The following PTPRG variants were observed in gnomAD, a reference collection of about 807,000 sequenced individuals.
PTPRG encodes protein tyrosine phosphatase receptor type G, also known as receptor-type tyrosine-protein phosphatase gamma.
PTPRG carries 102 observed loss-of-function variants against 165.3 expected under a neutral mutation model. The ratio of observed to expected loss-of-function variants is 0.62; its 90% CI spans 0.53 to 0.73. The LOEUF is 0.73. Ranked by LOEUF, PTPRG falls within the 30% of genes least tolerant of loss-of-function variation. The pLI is 0.00. For synonymous variants in PTPRG, 675 were observed against 669.5 expected (o/e 1.01, Z -0.13); for missense variants, 1,866 against 1,861.4 (o/e 1.00, Z -0.05).
intron 2 of PTPRG, among the ~76,000 whole-genome samples, chr3:61,851,941 T>A (rs1239953882): frequency 6.6e-6 from 1 of 152,304 alleles, no homozygotes; most frequent in African/African-American, 2.4e-5. Context: ...CTATCTAGAT[T>A]GGCTGACCCT....
chr3:62,093,860 G>T (rs1462288020), intron 5 of PTPRG, among the ~76,000 whole-genome samples: 1 of 152,162 alleles, frequency 6.6e-6, no homozygotes, highest in Non-Finnish European at 1.5e-5. Flanking sequence ...GGTAGAGAGG[G>T]AAGAAAGACA....
At position 62,064,473 on chromosome 3, in the gene PTPRG, T is replaced by C. The variant is rs7644712; in HGVS notation, c.520-13690T>C. 5.6e-3 allele frequency among the ~76,000 whole-genome samples: 818 copies of C among 145,964 alleles called. 9 individuals carry two copies. Among genetic ancestry groups the C allele is most frequent in the African/African-American group, 0.019 (786 of 40,466 alleles). ...CTGAAGCAATCCTCCTGCTTCAGTC[T>C]CCCAAATTAGTGCCTAATTTCTTCC... On this transcript the variant is annotated intron_variant, in intron 4 of 29. Coordinates refer to ENST00000474889, the MANE Select transcript of PTPRG (RefSeq NM_002841.4).
intron 1 of PTPRG, among the ~76,000 whole-genome samples, chr3:61,596,573 A>G (rs1700705527): frequency 6.6e-6 from 1 of 152,158 alleles, no homozygotes; most frequent in Non-Finnish European, 1.5e-5. Context: ...TTTTTTATCT[A>G]GTGTAACACT....
At chr3:61,794,202 A>C (rs891698716) in intron 2 of PTPRG, among the ~76,000 whole-genome samples, 1 of 152,234 alleles carries the variant, frequency 6.6e-6, no homozygotes, top group African/African-American at 2.4e-5. Context: ...ACTTTAAAAA[A>C]AAATCAGAAT....
chr3:61,637,048 C>G (rs1459684365), intron 1 of PTPRG, among the ~76,000 whole-genome samples: 1 of 152,210 alleles, frequency 6.6e-6, no homozygotes, highest in East Asian at 1.9e-4. Context: ...TGTGGCCTCT[C>G]TGCCACATAG....
At chr3:61,859,277 G>C (rs2037195555) in intron 2 of PTPRG, among the ~76,000 whole-genome samples, 1 of 152,078 alleles carries the variant, frequency 6.6e-6, no homozygotes, top group African/African-American at 2.4e-5. Flanking sequence ...AAAGACCTTA[G>C]GTTATTTTCT....
chr3:62,042,554 G>A (rs780811758), intron 4 of PTPRG, among the ~76,000 whole-genome samples: 7 of 151,692 alleles, frequency 4.6e-5, no homozygotes, highest in African/African-American at 2.4e-5. Context: ...TCTTCCTCCC[G>A]CACCGCCACC....
intron 1 of PTPRG, among the ~76,000 whole-genome samples, chr3:61,589,891 A>G (rs1464530395): frequency 6.6e-6 from 1 of 152,134 alleles, no homozygotes; most frequent in Non-Finnish European, 1.5e-5. Flanking sequence ...CAGTTACTAG[A>G]CTAGATTTAT....
chr3:62,082,007 G>A (rs989887566), intron 5 of PTPRG, among the ~76,000 whole-genome samples: 4 of 152,010 alleles, frequency 2.6e-5, no homozygotes, highest in Admixed American at 6.5e-5. Context: ...CACAAATAAC[G>A]GCCAAAAAGA....
At chr3:61,923,793 C>T (rs1367740532) in intron 2 of PTPRG, among the ~76,000 whole-genome samples, 2 of 149,166 alleles carry the variant, frequency 1.3e-5, no homozygotes, top group Admixed American at 6.7e-5. Flanking sequence ...ACCTCAGCCT[C>T]CCAAAACACT....
intron 5 of PTPRG, among the ~76,000 whole-genome samples, chr3:62,116,551 A>G (rs1428414423): frequency 1.3e-5 from 2 of 152,182 alleles, no homozygotes; most frequent in Admixed American, 6.5e-5. Flanking sequence ...CGACGAGTGA[A>G]AGAAGGTGAG....
intron 2 of PTPRG, among the ~76,000 whole-genome samples, chr3:61,751,757 G>T (rs1038171550): frequency 1.3e-5 from 2 of 152,130 alleles, no homozygotes; most frequent in Non-Finnish European, 2.9e-5. Context: ...TTGGGAGGCC[G>T]AGGTGGGCGG....
At chr3:62,136,059 T>A (rs1703697951) in intron 6 of PTPRG, among the ~76,000 whole-genome samples, 1 of 152,056 alleles carries the variant, frequency 6.6e-6, no homozygotes, top group Admixed American at 6.5e-5. Flanking sequence ...GAAAGGGGGA[T>A]CTCAGGGGTG....
At chr3:61,893,083 G>T (rs565403434) in intron 2 of PTPRG, among the ~76,000 whole-genome samples, 1 of 152,204 alleles carries the variant, frequency 6.6e-6, no homozygotes, top group African/African-American at 2.4e-5. Flanking sequence ...CGTCATTATC[G>T]TCGACTGCTG....
intron 1 of PTPRG, among the ~76,000 whole-genome samples, chr3:61,683,049 G>GT (rs1308009201): frequency 1.3e-5 from 2 of 152,092 alleles, no homozygotes; most frequent in Non-Finnish European, 1.5e-5. Flanking sequence ...AATCGATTTG[G>GT]TTTTAGGCCT....
At chr3:61,575,423 C>G (rs559510226) in intron 1 of PTPRG, among the ~76,000 whole-genome samples, 33 of 151,970 alleles carry the variant, frequency 2.2e-4, no homozygotes, top group Non-Finnish European at 4.7e-4. Context: ...CATTTTTTTG[C>G]AGGTACCAGA....
intron 4 of PTPRG, among the ~76,000 whole-genome samples, chr3:62,039,547 G>A (rs1700061108): frequency 6.6e-6 from 1 of 152,152 alleles, no homozygotes; most frequent in Non-Finnish European, 1.5e-5. Flanking sequence ...CCAGTCATGG[G>A]CTTGTACAGA....
At chr3:61,698,150 C>T (rs2106690705) in intron 1 of PTPRG, among the ~76,000 whole-genome samples, 1 of 152,214 alleles carries the variant, frequency 6.6e-6, no homozygotes, top group East Asian at 1.9e-4. Flanking sequence ...CTATGCTTTT[C>T]TCTTGTTAAT....
chr3:62,059,909 C>A (rs1487915880), intron 4 of PTPRG, among the ~76,000 whole-genome samples: 1 of 152,106 alleles, frequency 6.6e-6, no homozygotes, highest in East Asian at 1.9e-4. Flanking sequence ...GTTTGCTTCC[C>A]CCTCCACCAT....
Sources: allele counts gnomAD v4.1 joint callset (sites outside exome capture counted in the v4.1 genomes callset), GRCh38; gene constraint gnomAD v4.1.1; transcripts MANE v1.5; gene names NCBI Gene and HGNC (gene_info 2026-07-23, HGNC 2026-07-21).